PDZRN3: variants seen among roughly 807,000 people sequenced by gnomAD.
The protein encoded by PDZRN3 is E3 ubiquitin-protein ligase PDZRN3.
PDZRN3 carries 38 observed loss-of-function variants against 85.7 expected under a neutral mutation model. That is an observed-to-expected ratio of 0.44 (90% CI 0.34 to 0.58). The LOEUF (loss-of-function observed/expected upper bound fraction) is 0.58. Among genes scored for constraint, PDZRN3 ranks in the 20% least tolerant of loss-of-function variants. The pLI, the probability that PDZRN3 is intolerant of heterozygous loss-of-function variation, is 0.01. For missense variants in PDZRN3, 1,629 were observed against 1,506.4 expected, an observed-to-expected ratio of 1.08 and a Z score of -1.35; for synonymous variants, 759 against 638.0, an observed-to-expected ratio of 1.19 and a Z score of -2.86.
At chr3:73,562,605 A>G (rs1405329005) in intron 3 of PDZRN3, among the ~76,000 whole-genome samples, 1 of 152,162 alleles carries the variant, frequency 6.6e-6, no homozygotes, top group Non-Finnish European at 1.5e-5. Context: ...CGTTAAATGC[A>G]TGCCATCTAC....
Position 73,423,744 on chromosome 3 carries a change from C to T in PDZRN3, c.919-19349G>A, listed in dbSNP as rs138649289. 9.1e-4 allele frequency among the ~76,000 whole-genome samples: 139 copies of T among 152,264 alleles called. 1 individual carries two copies. Among genetic ancestry groups the T allele is most frequent in the Middle Eastern group, 3.4e-3 (1 of 294 alleles). On this transcript the variant is annotated intron_variant, in intron 3 of 9. Coordinates refer to ENST00000263666, the MANE Select transcript of PDZRN3 (RefSeq NM_015009.3). ...AAAGATGTTTACAGCCAGCCCACTC[C>T]GTCTTCCCCTTATTAGTATTTCTGA... is the stretch of plus-strand genomic sequence containing the variant.
At chr3:73,495,095 A>G (rs2106670006) in intron 3 of PDZRN3, among the ~76,000 whole-genome samples, 1 of 152,344 alleles carries the variant, frequency 6.6e-6, no homozygotes, top group East Asian at 1.9e-4. Flanking sequence ...GACGGGATCA[A>G]GCATACCCCA....
chr3:73,407,002 T>C (rs991982202), intron 3 of PDZRN3, among the ~76,000 whole-genome samples: 1 of 152,238 alleles, frequency 6.6e-6, no homozygotes, highest in Non-Finnish European at 1.5e-5. Context: ...CTTTGTTACC[T>C]TTCTACCAGA....
chr3:73,538,522 A>G (rs1423585998), intron 3 of PDZRN3, among the ~76,000 whole-genome samples: 1 of 152,210 alleles, frequency 6.6e-6, no homozygotes, highest in Non-Finnish European at 1.5e-5. Context: ...CAAAAATTGC[A>G]GACTGCCTTT....
chr3:73,428,566 A>C (rs926255690), intron 3 of PDZRN3, among the ~76,000 whole-genome samples: 1 of 152,176 alleles, frequency 6.6e-6, no homozygotes, highest in Non-Finnish European at 1.5e-5. Flanking sequence ...GCACCTTGGA[A>C]TACTTCAGAA....
chr3:73,419,207 C>T (rs919078676), intron 3 of PDZRN3, among the ~76,000 whole-genome samples: 10 of 152,014 alleles, frequency 6.6e-5, no homozygotes, highest in South Asian at 2.1e-4. Flanking sequence ...CTTGAGGAAA[C>T]GTAGGGGTTT....
rs765445215 is a variant in PDZRN3 at position 73,608,625 on chromosome 3, G to C, written c.783C>G (p.Phe261Leu). Residue 261 changes from phenylalanine to leucine, a missense_variant, in exon 2 of 10, where the codon TTC becomes TTG. Physicochemically the swap from Phe to Leu is conservative, Grantham distance 22. Transcript: ENST00000263666. ...CACTCGGCCGGCCACCAATAATATTGAATCCCAGGGAGCCGGAGTCCCGAT... is the reference window on the plus strand; with the variant it reads ...CACTCGGCCGGCCACCAATAATATTCAATCCCAGGGAGCCGGAGTCCCGAT... ...VLHRDSGSLG[F>L]NIIGGRPSVD... 1.2e-6 allele frequency: 2 copies of C among 1,612,422 alleles called. No homozygotes were observed. Among genetic ancestry groups the C allele is most frequent in the Non-Finnish European group, 1.7e-6 (2 of 1,178,954 alleles).
intron 3 of PDZRN3, among the ~76,000 whole-genome samples, chr3:73,544,980 T>C (rs1402044695): frequency 6.6e-6 from 1 of 151,186 alleles, no homozygotes; most frequent in Non-Finnish European, 1.5e-5. Flanking sequence ...TATATACAAA[T>C]AACAGCAAAA....
intron 3 of PDZRN3, among the ~76,000 whole-genome samples, chr3:73,459,011 A>G (rs1213635144): frequency 1.3e-5 from 2 of 150,450 alleles, no homozygotes; most frequent in African/African-American, 4.9e-5. Context: ...AAAAAAAAGA[A>G]AAAAAAGAAA....
chr3:73,618,862 T>G (rs1458245129), intron 1 of PDZRN3, among the ~76,000 whole-genome samples: 1 of 152,256 alleles, frequency 6.6e-6, no homozygotes, highest in Non-Finnish European at 1.5e-5. Flanking sequence ...CTGTAACTTT[T>G]TTTTAGCAGA....
chr3:73,554,461 G>A (rs368847358), intron 3 of PDZRN3, among the ~76,000 whole-genome samples: 2 of 151,778 alleles, frequency 1.3e-5, no homozygotes, highest in Admixed American at 1.3e-4. Flanking sequence ...CATCGTCATC[G>A]ACATCATCAT....
intron 3 of PDZRN3, among the ~76,000 whole-genome samples, chr3:73,538,720 C>T (rs1179067391): frequency 6.6e-6 from 1 of 152,132 alleles, no homozygotes; most frequent in Non-Finnish European, 1.5e-5. Context: ...CATTTTTCTC[C>T]TGCATAGAAC....
intron 5 of PDZRN3, among the ~76,000 whole-genome samples, chr3:73,394,692 C>T (rs888739249): frequency 6.6e-6 from 1 of 152,200 alleles, no homozygotes; most frequent in Non-Finnish European, 1.5e-5. Flanking sequence ...TCTGGCCCTT[C>T]TTAGGAACTC....
At chr3:73,569,586 A>G in intron 3 of PDZRN3, 1 of 1,023,036 alleles carries the variant, frequency 9.8e-7, no homozygotes, top group Non-Finnish European at 1.2e-6. Context: ...ACAGACACAG[A>G]GGACAGACAG....
intron 3 of PDZRN3, among the ~76,000 whole-genome samples, chr3:73,502,155 G>A (rs537036288): frequency 1.3e-5 from 2 of 151,404 alleles, no homozygotes; most frequent in African/African-American, 4.8e-5. Context: ...ACAACAGTGG[G>A]CTAAGTGAGA....
chr3:73,481,631 G>A (rs945122344), intron 3 of PDZRN3, among the ~76,000 whole-genome samples: 1 of 152,178 alleles, frequency 6.6e-6, no homozygotes, highest in Non-Finnish European at 1.5e-5. Flanking sequence ...CACCTGGCCT[G>A]AGGGCAGGAT....
At chr3:73,554,353 GAC>G (rs35130068) in intron 3 of PDZRN3, among the ~76,000 whole-genome samples, 82,026 of 147,366 alleles carry the variant, frequency 0.56, 22,379 homozygotes, top group South Asian at 0.64. Flanking sequence ...GTTGAGAGAA[GAC>G]ACACACACAC....
chr3:73,552,276 A>G (rs1308614099), intron 3 of PDZRN3, among the ~76,000 whole-genome samples: 1 of 150,940 alleles, frequency 6.6e-6, no homozygotes, highest in Non-Finnish European at 1.5e-5. Context: ...ACACCTTAGA[A>G]CAGTCCCTGG....
chr3:73,459,246 C>T (rs1703052867), intron 3 of PDZRN3, among the ~76,000 whole-genome samples: 2 of 152,144 alleles, frequency 1.3e-5, no homozygotes, highest in South Asian at 2.1e-4. Context: ...TCAGCTCCCA[C>T]CAGGTCCCTC....
Sources: gnomAD v4.1 joint callset for allele counts (sites outside exome capture counted in the v4.1 genomes callset) on GRCh38, gnomAD v4.1.1 for gene constraint, MANE v1.5 for transcripts, NCBI Gene and HGNC (gene_info 2026-07-23, HGNC 2026-07-21) for gene names.